Variants in FLRT1 observed in about 807,000 individuals in gnomAD.
FLRT1 encodes the protein fibronectin leucine rich transmembrane protein 1, also known as leucine-rich repeat transmembrane protein FLRT1.
FLRT1 carries 14 observed loss-of-function variants against 30.9 expected under a neutral mutation model. The ratio of observed to expected loss-of-function variants is 0.45; its 90% confidence interval spans 0.30 to 0.71. The LOEUF (loss-of-function observed/expected upper bound fraction) is 0.71. Among genes scored for constraint, FLRT1 ranks in the 30% least tolerant of loss-of-function variants. The pLI is 0.08. For missense variants in FLRT1, 737 were observed against 949.2 expected (o/e 0.78, Z 2.94); for synonymous variants, 368 against 430.4 (o/e 0.85, Z 1.80).
rs373333670 is a variant in FLRT1, at chr11:64,102,234, C to T, written c.-1037-960C>T. ...GGGGAATACAGACACCAGGGCGCCGCGGCCCTTCCACATGCCGCACTAATG... is the reference window on the plus strand; with the variant it reads ...GGGGAATACAGACACCAGGGCGCCGTGGCCCTTCCACATGCCGCACTAATG... On this transcript the variant is annotated intron_variant, in intron 1 of 2. Transcript: ENST00000682287. 1.4e-4 allele frequency among the ~76,000 whole-genome samples: 21 copies of T among 152,308 alleles called. No individual in the cohort carries two copies. The South Asian group carries it at 1.9e-3, about 14-fold the overall frequency.
rs570921814 is a variant in FLRT1, at chr11:64,086,185, C to A, written c.-1037-17009C>A. Reference sequence around the variant, plus strand: ...AGCCGGGACTCAACAGTGGGATCCCCCAGGGCTGGAGTGGGGAGGAGGGGC... The same window carrying A: ...AGCCGGGACTCAACAGTGGGATCCCACAGGGCTGGAGTGGGGAGGAGGGGC... On this transcript the variant is annotated intron_variant, in intron 1 of 2. Coordinates refer to ENST00000682287, the MANE Select transcript of FLRT1 (RefSeq NM_013280.5). 1.2e-3 allele frequency among the ~76,000 whole-genome samples: 177 copies of A among 152,284 alleles called. No individual in the cohort carries two copies. In the Middle Eastern group the frequency reaches 0.024, roughly 20 times the overall value.
At chr11:64,084,710 C>T (rs1163801806) in intron 1 of FLRT1, among the ~76,000 whole-genome samples, 1 of 152,228 alleles carries the variant, frequency 6.6e-6, no homozygotes, top group Non-Finnish European at 1.5e-5. Flanking sequence ...TGTCCACGTG[C>T]CCGTGCTGCT....
At chr11:64,097,749 G>A (rs1372884522) in intron 1 of FLRT1, among the ~76,000 whole-genome samples, 2 of 152,174 alleles carry the variant, frequency 1.3e-5, no homozygotes, top group Non-Finnish European at 2.9e-5. Context: ...GAGCGAGTGG[G>A]CAGGGAATGG....
At chr11:64,084,085 C>T (rs2134500881) in intron 1 of FLRT1, among the ~76,000 whole-genome samples, 2 of 152,320 alleles carry the variant, frequency 1.3e-5, no homozygotes, top group Non-Finnish European at 2.9e-5. Context: ...CCCTGCCATC[C>T]TGCACACGGG....
chr11:64,076,815 C>T (rs751026054), intron 1 of FLRT1, among the ~76,000 whole-genome samples: 3 of 152,202 alleles, frequency 2.0e-5, no homozygotes, highest in Non-Finnish European at 2.9e-5. Flanking sequence ...CCTCCTACTG[C>T]GTGAGCAGCC....
rs1939264 is a variant in FLRT1 at position 64,077,057 on chromosome 11, A to C, written c.-1037-26137A>C. 1.9e-4 allele frequency among the ~76,000 whole-genome samples: 29 copies of C among 151,272 alleles called. No homozygotes were observed. In the South Asian group the frequency reaches 5.9e-3, roughly 31 times the overall value. On this transcript the variant is annotated intron_variant, in intron 1 of 2. Transcript: ENST00000682287. ...GGGAGGGAGGGAGATAGGGCAGGGT[A>C]GGGGGGTCCACAGACCCCAGACCCC...
At chr11:64,080,174 G>T (rs1161511456) in intron 1 of FLRT1, among the ~76,000 whole-genome samples, 1 of 152,094 alleles carries the variant, frequency 6.6e-6, no homozygotes, top group East Asian at 1.9e-4. Context: ...CACCATGCCT[G>T]GCTAATTTTT....
At chr11:64,055,772 GTT>G (rs1043880116) in intron 1 of FLRT1, among the ~76,000 whole-genome samples, 2 of 152,204 alleles carry the variant, frequency 1.3e-5, no homozygotes, top group Non-Finnish European at 2.9e-5. Flanking sequence ...CACTGCCTCA[GTT>G]TCCCCTTTCA....
intron 1 of FLRT1, among the ~76,000 whole-genome samples, chr11:64,068,424 AC>A (rs2134455449): frequency 6.6e-6 from 1 of 152,330 alleles, no homozygotes; most frequent in East Asian, 1.9e-4. Context: ...CATTGACCTC[AC>A]CAGCTGCTAG....
chr11:64,075,474 C>T (rs1040469001), intron 1 of FLRT1, among the ~76,000 whole-genome samples: 1 of 152,384 alleles, frequency 6.6e-6, no homozygotes, highest in East Asian at 1.9e-4. Context: ...ATAACTTCCC[C>T]AAAGCTGCCC....
intron 1 of FLRT1, among the ~76,000 whole-genome samples, chr11:64,050,150 T>C (rs1181461948): frequency 6.6e-6 from 1 of 151,960 alleles, no homozygotes; most frequent in Non-Finnish European, 1.5e-5. Context: ...AGGCTCCGTC[T>C]TCACCCTGCC....
At chr11:64,081,210 T>TG (rs1944296710) in intron 1 of FLRT1, among the ~76,000 whole-genome samples, 1 of 152,158 alleles carries the variant, frequency 6.6e-6, no homozygotes, top group Non-Finnish European at 1.5e-5. Context: ...TTAGTAGAGA[T>TG]GGGGTTTCAC....
chr11:64,108,347 C>T (rs963618306), intron 2 of FLRT1, among the ~76,000 whole-genome samples: 1 of 152,004 alleles, frequency 6.6e-6, no homozygotes, highest in Non-Finnish European at 1.5e-5. Context: ...GACCCAGGGC[C>T]ACCCCACAGT....
chr11:64,050,410 G>T lies in FLRT1; in HGVS notation c.-1038+14251G>T, dbSNP rs1204898949. 2.6e-5 allele frequency among the ~76,000 whole-genome samples: 4 copies of T among 152,336 alleles called. No individual in the cohort carries two copies. In the East Asian group the frequency reaches 7.7e-4, roughly 29 times the overall value. On this transcript the variant is annotated intron_variant, in intron 1 of 2. Coordinates refer to ENST00000682287, the MANE Select transcript of FLRT1 (RefSeq NM_013280.5). Reference sequence around the variant, plus strand: ...TAGGGGTCCTGGGGCCAGGCCCTTGGCCAGCCCTCAGTGTGACAGTGGTGG... The same window carrying T: ...TAGGGGTCCTGGGGCCAGGCCCTTGTCCAGCCCTCAGTGTGACAGTGGTGG...
chr11:64,076,451 C>CGGAT (rs34046350), intron 1 of FLRT1, among the ~76,000 whole-genome samples: 4,433 of 151,890 alleles, frequency 0.029, 214 homozygotes, highest in African/African-American at 0.1. Flanking sequence ...GATGGATGGA[C>CGGAT]GGATGGATGG....
intron 1 of FLRT1, among the ~76,000 whole-genome samples, chr11:64,075,802 A>C (rs548925657): frequency 2.4e-4 from 37 of 152,234 alleles, no homozygotes; most frequent in Non-Finnish European, 5.1e-4. Context: ...CCTCCCAAGT[A>C]GCTGGAGTTA....
chr11:64,100,946 T>C (rs1944660301), intron 1 of FLRT1, among the ~76,000 whole-genome samples: 1 of 152,132 alleles, frequency 6.6e-6, no homozygotes, highest in South Asian at 2.1e-4. Context: ...CTTGGTTTTC[T>C]AAATGAGGGA....
chr11:64,072,057 G>A (rs978800699), intron 1 of FLRT1, among the ~76,000 whole-genome samples: 1 of 151,636 alleles, frequency 6.6e-6, no homozygotes, highest in Admixed American at 6.7e-5. Flanking sequence ...AAATCCTCCC[G>A]GCAGACAAGA....
chr11:64,047,912 AAAAG>A (rs1365935014), intron 1 of FLRT1, among the ~76,000 whole-genome samples: 9 of 151,802 alleles, frequency 5.9e-5, no homozygotes, highest in Middle Eastern at 3.4e-3. Context: ...AAAAAAAAAA[AAAAG>A]GAAGGAAGCA....
Sources: allele counts gnomAD v4.1 joint callset (sites outside exome capture counted in the v4.1 genomes callset), GRCh38; gene constraint gnomAD v4.1.1; transcripts MANE v1.5; gene names NCBI Gene and HGNC (gene_info 2026-07-23, HGNC 2026-07-21).